LHFPL4: variants seen among roughly 807,000 people sequenced by gnomAD.
LHFPL4 encodes LHFPL tetraspan subfamily member 4.
Under a neutral mutation model 20.0 loss-of-function variants are expected in LHFPL4, and 6 were observed. The observed-to-expected ratio is 0.30, with a 90% confidence interval of 0.16 to 0.59. LHFPL4 has a LOEUF of 0.59. Among genes scored for constraint, LHFPL4 ranks in the 20% least tolerant of loss-of-function variants. The probability of loss-of-function intolerance (pLI) is 0.88; values close to 1 mark genes in which losing one functional copy is unlikely to be tolerated. For missense variants in LHFPL4, 215 were observed against 331.2 expected (o/e 0.65, Z 2.72); for synonymous variants, 129 against 143.8 (o/e 0.90, Z 0.74).
rs139327516 is a variant in LHFPL4, at chr3:9,532,151, G to A, written c.406+20123C>T. Reference sequence around the variant, plus strand: ...AGCAATTCTTGCTCCACAGCCTCCCGAGTAGCTGGGATTACAGGTGTGCAC... The same window carrying A: ...AGCAATTCTTGCTCCACAGCCTCCCAAGTAGCTGGGATTACAGGTGTGCAC... On this transcript the variant is annotated intron_variant, in intron 2 of 3. Transcript: ENST00000287585. Among the ~76,000 whole-genome samples, 6 of 151,220 alleles carry A rather than the reference G, an allele frequency of 4.0e-5. No homozygotes were observed. In the East Asian group the frequency reaches 7.9e-4, roughly 20 times the overall value.
Position 9,505,948 on chromosome 3 carries a change from C to A in LHFPL4, c.643+19G>T, listed in dbSNP as rs747773050. The A allele has an allele frequency of 6.2e-7, 1 of 1,610,622 alleles. No homozygotes were observed. The highest frequency in any genetic ancestry group is 8.5e-7 in the Non-Finnish European group (1 of 1,176,992). On this transcript the variant is annotated intron_variant, in intron 3 of 3. Coordinates refer to ENST00000287585, the MANE Select transcript of LHFPL4 (RefSeq NM_198560.3). ...AGGCCTGGCTCCCGCCGCTGCCCCC[C>A]AGCCCACAGCACACTCGCCTTTGTT...
rs571307489 is a variant in LHFPL4, at chr3:9,504,327, G to A, written c.643+1640C>T. Among the ~76,000 whole-genome samples, 27 of 149,934 alleles carry A rather than the reference G, an allele frequency of 1.8e-4. No individual in the cohort carries two copies. In the South Asian group the frequency reaches 3.2e-3, roughly 18 times the overall value. The stretch of plus-strand genomic sequence containing the variant: ...CAGGAGCTGGAGGCTGCAGTGAGCC[G>A]AGACCGTGCCACTGCACTCCACCCT... On this transcript the variant is annotated intron_variant, in intron 3 of 3. Transcript: ENST00000287585.
chr3:9,534,979 A>G (rs1404804130), intron 2 of LHFPL4, among the ~76,000 whole-genome samples: 3 of 152,154 alleles, frequency 2.0e-5, no homozygotes, highest in Admixed American at 1.3e-4. Flanking sequence ...GAGGAAGAGT[A>G]TAAGAGCAAG....
chr3:9,513,526 T>C (rs867973769), intron 2 of LHFPL4, among the ~76,000 whole-genome samples: 2 of 152,188 alleles, frequency 1.3e-5, no homozygotes, highest in Middle Eastern at 3.4e-3. Context: ...AAAGACAGGG[T>C]CTTGCTATGT....
rs2046164205 is a variant in LHFPL4, at chr3:9,500,552, T to C, written c.*1659A>G. ...AGGCAGGGGACTTCTAGGGTCTTTC[T>C]TGGAAACCCTAACTCTCAGGTCCAA... On this transcript the variant is annotated 3_prime_UTR_variant, in exon 4 of 4. Transcript: ENST00000287585. The C allele has an allele frequency of 6.6e-6, 1 of 152,236 alleles. No individual in the cohort carries two copies. Among genetic ancestry groups the C allele is most frequent in the Non-Finnish European group, 1.5e-5 (1 of 68,068 alleles). 9.4% of individuals were successfully genotyped at this position (152,236 alleles called of 1,614,324 possible). A position where few individuals can be genotyped will look rare whatever the true frequency, so the allele number is the denominator to read the frequency against.
chr3:9,521,924 A>C lies in LHFPL4; in HGVS notation c.407-15721T>G, dbSNP rs371739058. ...TGGATTAACATCTACCATATTTGTT[A>C]CTATTTTATATTTGTTGACCTATCT... On this transcript the variant is annotated intron_variant, in intron 2 of 3. Transcript: ENST00000287585. Among the ~76,000 whole-genome samples the C allele has an allele frequency of 8.4e-4, 127 of 152,076 alleles. 1 individual carries two copies. The South Asian group carries it at 9.3e-3, about 11-fold the overall frequency.
chr3:9,510,436 C>CAAAAAAAAAAAAAAAAAAAAA (rs34617447), intron 2 of LHFPL4, among the ~76,000 whole-genome samples: 1 of 117,354 alleles, frequency 8.5e-6, no homozygotes, highest in African/African-American at 3.0e-5. Flanking sequence ...GACATGGTTT[C>CAAAAAAAAAAAAAAAAAAAAA]AAAAAAAAAA....
chr3:9,541,574 C>T (rs2046476566), intron 2 of LHFPL4, among the ~76,000 whole-genome samples: 1 of 151,920 alleles, frequency 6.6e-6, no homozygotes, highest in Admixed American at 6.6e-5. Context: ...GAGTTTGAGA[C>T]CAGCCTGGCC....
At chr3:9,546,324 A>G (rs570724851) in intron 2 of LHFPL4, among the ~76,000 whole-genome samples, 1 of 151,532 alleles carries the variant, frequency 6.6e-6, no homozygotes, top group East Asian at 1.9e-4. Context: ...GAAAAAAAAA[A>G]AAAAGAAAAA....
intron 3 of LHFPL4, among the ~76,000 whole-genome samples, chr3:9,504,421 C>T (rs146798212): frequency 6.6e-6 from 1 of 151,200 alleles, no homozygotes; most frequent in East Asian, 2.0e-4. Context: ...CCATAATTTG[C>T]ATATACCTCC....
intron 2 of LHFPL4, among the ~76,000 whole-genome samples, chr3:9,536,056 C>T (rs914508010): frequency 5.3e-5 from 8 of 152,180 alleles, no homozygotes; most frequent in African/African-American, 1.9e-4. Context: ...CCACCTCACC[C>T]AAAGTGCTGG....
chr3:9,507,446 G>A (rs1161737185), intron 2 of LHFPL4, among the ~76,000 whole-genome samples: 1 of 152,214 alleles, frequency 6.6e-6, no homozygotes, highest in East Asian at 1.9e-4. Flanking sequence ...ATCCTCAAGT[G>A]GTTGTAAAGA....
intron 3 of LHFPL4, among the ~76,000 whole-genome samples, chr3:9,503,307 C>T (rs972009212): frequency 6.6e-6 from 1 of 152,152 alleles, no homozygotes; most frequent in Non-Finnish European, 1.5e-5. Context: ...ACCGAGGGGG[C>T]CCACTTCACA....
intron 2 of LHFPL4, among the ~76,000 whole-genome samples, chr3:9,525,238 A>T (rs148157552): frequency 1.0e-3 from 157 of 152,298 alleles, no homozygotes; most frequent in African/African-American, 3.6e-3. Flanking sequence ...AGGAAGTAAA[A>T]CTTACAAAAG....
intron 2 of LHFPL4, among the ~76,000 whole-genome samples, chr3:9,543,184 C>T (rs867549324): frequency 6.6e-6 from 1 of 151,972 alleles, no homozygotes; most frequent in Non-Finnish European, 1.5e-5. Flanking sequence ...GGTCTCCTGC[C>T]GGCACCCACA....
intron 2 of LHFPL4, chr3:9,551,078 T>C (rs2046549975): frequency 6.6e-6 from 1 of 152,182 alleles, no homozygotes; most frequent in Non-Finnish European, 1.5e-5. Context: ...AGATAGAGGT[T>C]TCTCCTCAAT....
At chr3:9,527,573 T>C (rs1194194933) in intron 2 of LHFPL4, among the ~76,000 whole-genome samples, 2 of 151,706 alleles carry the variant, frequency 1.3e-5, no homozygotes, top group Admixed American at 1.3e-4. Flanking sequence ...TCAGGCATGG[T>C]ACAAGCGCCT....
At chr3:9,536,271 C>T (rs2046443835) in intron 2 of LHFPL4, among the ~76,000 whole-genome samples, 1 of 152,218 alleles carries the variant, frequency 6.6e-6, no homozygotes, top group South Asian at 2.1e-4. Context: ...CCTGCCCATC[C>T]AGGGCAGGGG....
At chr3:9,542,706 G>A (rs2046484972) in intron 2 of LHFPL4, among the ~76,000 whole-genome samples, 1 of 151,722 alleles carries the variant, frequency 6.6e-6, no homozygotes, top group Non-Finnish European at 1.5e-5. Context: ...CTACTTGGGA[G>A]GCTGAGATGA....
Sources: allele counts gnomAD v4.1 joint callset (sites outside exome capture counted in the v4.1 genomes callset), GRCh38; gene constraint gnomAD v4.1.1; transcripts MANE v1.5; gene names NCBI Gene and HGNC (gene_info 2026-07-23, HGNC 2026-07-21).